The following SPON1 variants were observed in gnomAD, a reference collection of about 807,000 sequenced individuals.
SPON1 encodes spondin-1.
In SPON1, 52 loss-of-function variants were observed where a neutral mutation model predicts 111.7. The observed-to-expected ratio is 0.47, with a 90% CI of 0.37 to 0.59. The LOEUF is 0.59. SPON1 is among the 20% of genes least tolerant of loss of function. SPON1 has a pLI of 0.00. For synonymous variants in SPON1, 410 were observed against 395.8 expected (o/e 1.04, Z -0.43); for missense variants, 957 against 1,068.5 (o/e 0.90, Z 1.46).
intron 5 of SPON1, among the ~76,000 whole-genome samples, chr11:14,105,861 A>T (rs1312100880): frequency 1.3e-5 from 2 of 152,200 alleles, no homozygotes; most frequent in Non-Finnish European, 2.9e-5. Flanking sequence ...ACACACCTGT[A>T]TTGGATTGGC....
intron 6 of SPON1, among the ~76,000 whole-genome samples, chr11:14,170,364 G>C (rs1377036053): frequency 6.6e-6 from 1 of 152,194 alleles, no homozygotes; most frequent in Non-Finnish European, 1.5e-5. Flanking sequence ...AGACTTTGCT[G>C]AAGTTGCTTA....
chr11:14,128,768 C>T (rs1317106686), intron 5 of SPON1, among the ~76,000 whole-genome samples: 1 of 152,260 alleles, frequency 6.6e-6, no homozygotes, highest in Non-Finnish European at 1.5e-5. Flanking sequence ...TCTGCCTGGA[C>T]ATCCAGGCAT....
At chr11:14,210,373 C>G (rs1380147013) in intron 6 of SPON1, among the ~76,000 whole-genome samples, 1 of 133,738 alleles carries the variant, frequency 7.5e-6, no homozygotes, top group Non-Finnish European at 1.6e-5. Flanking sequence ...TTTCTTTTTC[C>G]TTTTTTTTTT....
At chr11:14,263,483 G>A (rs569768447) in intron 15 of SPON1, among the ~76,000 whole-genome samples, 11 of 152,138 alleles carry the variant, frequency 7.2e-5, no homozygotes, top group South Asian at 6.2e-4. Context: ...CAAGGCAGCC[G>A]TGGCCTGAGA....
chr11:14,246,761 G>A (rs1848995183), intron 7 of SPON1, among the ~76,000 whole-genome samples: 1 of 152,118 alleles, frequency 6.6e-6, no homozygotes, highest in South Asian at 2.1e-4. Flanking sequence ...CAATTCAGTG[G>A]GGAGAGATAT....
At position 13,963,290 on chromosome 11, in the gene SPON1, G is replaced by A. The variant is rs1847989833; in HGVS notation, c.238+148G>A. On this transcript the variant is annotated intron_variant, in intron 1 of 15. Coordinates refer to ENST00000576479, the MANE Select transcript of SPON1 (RefSeq NM_006108.4). ...GGCCCTTCTGTCCTGGCTGCCCTCG[G>A]CCCTTGCAGTCGCGAGCTCGGCGCG... is the stretch of plus-strand genomic sequence containing the variant. 39 of 577,750 alleles carry A rather than the reference G, an allele frequency of 6.8e-5. 1 individual carries two copies. The South Asian group carries it at 1.0e-3, about 15-fold the overall frequency. The allele number at this position is 577,750 out of a possible 1,614,324, so 35.8% of individuals were successfully genotyped here. A position where few individuals can be genotyped will look rare whatever the true frequency, so the allele number is the denominator to read the frequency against.
chr11:14,194,373 T>C (rs931292205), intron 6 of SPON1, among the ~76,000 whole-genome samples: 23 of 152,286 alleles, frequency 1.5e-4, no homozygotes, highest in Non-Finnish European at 3.1e-4. Flanking sequence ...CAAACTGAAC[T>C]TCATTAGCAA....
chr11:14,090,851 A>G (rs1554923250), intron 5 of SPON1, among the ~76,000 whole-genome samples: 1 of 41,294 alleles, frequency 2.4e-5, no homozygotes, highest in Admixed American at 3.2e-4. Flanking sequence ...CCCCGCCCAC[A>G]TCCTGCTGAT....
chr11:14,210,228 G>T (rs1036008513), intron 6 of SPON1, among the ~76,000 whole-genome samples: 2 of 152,066 alleles, frequency 1.3e-5, no homozygotes, highest in African/African-American at 4.8e-5. Flanking sequence ...TCACTCTGAT[G>T]GTAGTTTCTT....
At chr11:14,038,526 AT>A (rs1848610852) in intron 2 of SPON1, among the ~76,000 whole-genome samples, 1 of 152,200 alleles carries the variant, frequency 6.6e-6, no homozygotes, top group African/African-American at 2.4e-5. Flanking sequence ...AACAACCCAA[AT>A]AAAAAATGGT....
At chr11:13,963,218 G>A in intron 1 of SPON1, 76 bp downstream of exon 1, 3 of 1,192,128 alleles carry the variant, frequency 2.5e-6, no homozygotes, top group African/African-American at 1.6e-5. Flanking sequence ...GGTGCCGGAG[G>A]AGGGCGCGCG....
intron 5 of SPON1, among the ~76,000 whole-genome samples, chr11:14,104,729 A>G (rs782599122): frequency 1.3e-5 from 2 of 152,126 alleles, no homozygotes; most frequent in Non-Finnish European, 2.9e-5. Context: ...TATTTTTAAT[A>G]GCATCATCTT....
intron 6 of SPON1, among the ~76,000 whole-genome samples, chr11:14,153,858 T>G (rs1847812663): frequency 6.6e-6 from 1 of 152,188 alleles, no homozygotes; most frequent in African/African-American, 2.4e-5. Context: ...GGTAAATGCT[T>G]CTGTTCCAAA....
chr11:14,048,510 G>A (rs1007913174), intron 3 of SPON1, among the ~76,000 whole-genome samples: 1 of 152,158 alleles, frequency 6.6e-6, no homozygotes, highest in Admixed American at 6.5e-5. Context: ...TAGCAATTAT[G>A]ACTTTCCTTT....
At chr11:14,253,159 T>G (rs1322041849) in intron 7 of SPON1, among the ~76,000 whole-genome samples, 1 of 152,150 alleles carries the variant, frequency 6.6e-6, no homozygotes, top group East Asian at 1.9e-4. Flanking sequence ...AAGCCAAGGC[T>G]CAGGCCAGGT....
chr11:14,048,671 T>C (rs1848686912), intron 3 of SPON1, among the ~76,000 whole-genome samples: 12 of 152,196 alleles, frequency 7.9e-5, no homozygotes, highest in Admixed American at 7.8e-4. Flanking sequence ...TATGCTACAA[T>C]GCTGCAAGAA....
intron 2 of SPON1, among the ~76,000 whole-genome samples, chr11:14,029,514 G>GA (rs1392699627): frequency 6.6e-6 from 1 of 152,082 alleles, no homozygotes; most frequent in Non-Finnish European, 1.5e-5. Flanking sequence ...GGGTGAAAAG[G>GA]AAAAAGGAAA....
At chr11:14,207,701 G>T (rs1471700732) in intron 6 of SPON1, among the ~76,000 whole-genome samples, 1 of 152,136 alleles carries the variant, frequency 6.6e-6, no homozygotes, top group Non-Finnish European at 1.5e-5. Flanking sequence ...TTATTAAAAA[G>T]TCAAAACATA....
At chr11:14,232,250 C>A (rs1564936730) in intron 6 of SPON1, among the ~76,000 whole-genome samples, 1 of 151,982 alleles carries the variant, frequency 6.6e-6, no homozygotes, top group Non-Finnish European at 1.5e-5. Flanking sequence ...GAGAGCTAAT[C>A]AGCACTGGAC....
Sources: allele counts gnomAD v4.1 joint callset (sites outside exome capture counted in the v4.1 genomes callset), GRCh38; gene constraint gnomAD v4.1.1; transcripts MANE v1.5; gene names NCBI Gene and HGNC (gene_info 2026-07-23, HGNC 2026-07-21).